Variants in FSTL5 observed in about 807,000 individuals in gnomAD.
FSTL5 encodes follistatin like 5, also known as follistatin-related protein 5.
Under a neutral mutation model 89.1 loss-of-function variants are expected in FSTL5, and 62 were observed. The observed-to-expected ratio is 0.70, with a 90% CI of 0.57 to 0.86. FSTL5 has a LOEUF of 0.86. FSTL5 is among the 40% of genes least tolerant of loss of function. The pLI is 0.00. For missense variants in FSTL5, 1,057 were observed against 1,001.6 expected, an observed-to-expected ratio of 1.06 and a Z score of -0.75; for synonymous variants, 383 against 346.2, an observed-to-expected ratio of 1.11 and a Z score of -1.18.
At chr4:161,923,354 T>C (rs1170091500) in intron 3 of FSTL5, among the ~76,000 whole-genome samples, 2 of 151,856 alleles carry the variant, frequency 1.3e-5, no homozygotes, top group Non-Finnish European at 2.9e-5. Context: ...ATTATTACTA[T>C]AAAATAAAGT....
chr4:161,806,907 GATAC>G (rs1337566864), intron 4 of FSTL5, among the ~76,000 whole-genome samples: 38 of 152,034 alleles, frequency 2.5e-4, no homozygotes, highest in Middle Eastern at 3.4e-3. Context: ...CAGATAGATA[GATAC>G]ATAGATAGAT....
At chr4:162,036,848 C>T (rs1478529538) in intron 2 of FSTL5, among the ~76,000 whole-genome samples, 2 of 151,632 alleles carry the variant, frequency 1.3e-5, no homozygotes, top group Admixed American at 6.6e-5. Flanking sequence ...TTTTTTGGTG[C>T]TCATATGGGA....
chr4:161,986,361 C>A (rs1322195639), intron 3 of FSTL5, among the ~76,000 whole-genome samples: 1 of 152,102 alleles, frequency 6.6e-6, no homozygotes, highest in East Asian at 1.9e-4. Context: ...ACCAGCCTGA[C>A]CAACATGCTG....
chr4:161,572,785 A>G (rs1733065265), intron 8 of FSTL5, among the ~76,000 whole-genome samples: 1 of 152,212 alleles, frequency 6.6e-6, no homozygotes, highest in Non-Finnish European at 1.5e-5. Flanking sequence ...TGACTGAATG[A>G]AACAGAACTC....
chr4:161,645,293 T>C (rs993043598), intron 7 of FSTL5, among the ~76,000 whole-genome samples: 1 of 152,134 alleles, frequency 6.6e-6, no homozygotes, highest in African/African-American at 2.4e-5. Flanking sequence ...ATATTCCTTA[T>C]GAACATGTAA....
chr4:161,526,145 CAT>C (rs1256176056), intron 10 of FSTL5, among the ~76,000 whole-genome samples: 5 of 152,116 alleles, frequency 3.3e-5, no homozygotes, highest in Non-Finnish European at 4.4e-5. Context: ...CTTTGTGAAA[CAT>C]AACTCTGAAA....
intron 4 of FSTL5, among the ~76,000 whole-genome samples, chr4:161,786,952 T>TA (rs1228484632): frequency 6.6e-6 from 1 of 152,104 alleles, no homozygotes; most frequent in East Asian, 1.9e-4. Context: ...GATAAACAAA[T>TA]AAATGTTTAA....
At chr4:161,547,298 T>A (rs1033138858) in intron 8 of FSTL5, among the ~76,000 whole-genome samples, 1 of 152,080 alleles carries the variant, frequency 6.6e-6, no homozygotes, top group Admixed American at 6.6e-5. Context: ...TGTTCTCAAA[T>A]TATTTGATTA....
intron 4 of FSTL5, among the ~76,000 whole-genome samples, chr4:161,787,221 T>C (rs1741937304): frequency 6.6e-6 from 1 of 152,096 alleles, no homozygotes; most frequent in Admixed American, 6.5e-5. Context: ...AAGGTAACTG[T>C]GGAATATCCT....
intron 5 of FSTL5, among the ~76,000 whole-genome samples, chr4:161,768,548 T>C (rs1450548888): frequency 1.3e-5 from 2 of 151,842 alleles, no homozygotes; most frequent in East Asian, 3.9e-4. Context: ...AAATAAAACA[T>C]AAAGGAAGTA....
intron 8 of FSTL5, among the ~76,000 whole-genome samples, chr4:161,561,245 A>C (rs1578925961): frequency 6.6e-6 from 1 of 151,976 alleles, no homozygotes; most frequent in African/African-American, 2.4e-5. Flanking sequence ...TAGACAGATA[A>C]ATATTTGTTA....
chr4:161,783,088 A>T (rs999752310), intron 4 of FSTL5, among the ~76,000 whole-genome samples: 31 of 152,328 alleles, frequency 2.0e-4, no homozygotes, highest in African/African-American at 6.5e-4. Context: ...AAATAAAACA[A>T]AGCACGATAC....
intron 15 of FSTL5, among the ~76,000 whole-genome samples, chr4:161,444,881 T>G (rs140094359): frequency 6.6e-6 from 1 of 151,934 alleles, no homozygotes; most frequent in Non-Finnish European, 1.5e-5. Flanking sequence ...TTCCAATACA[T>G]ATGAAATGAT....
chr4:161,474,866 C>A lies in FSTL5; in HGVS notation c.1608+6154G>T, dbSNP rs115885197. Among the ~76,000 whole-genome samples the A allele has an allele frequency of 7.0e-3, 1,071 of 152,146 alleles. 5 individuals carry two copies. Among genetic ancestry groups the A allele is most frequent in the Middle Eastern group, 0.017 (5 of 294 alleles). Reference sequence around the variant, plus strand: ...GGCCTGTGTAGTGTTTTGGTTTATTCATATGTTTGTTTCATTTACTTTGCT... The same window carrying A: ...GGCCTGTGTAGTGTTTTGGTTTATTAATATGTTTGTTTCATTTACTTTGCT... On this transcript the variant is annotated intron_variant, in intron 13 of 15. Transcript: ENST00000306100.
At chr4:161,689,533 C>T (rs552536655) in intron 6 of FSTL5, among the ~76,000 whole-genome samples, 3 of 152,222 alleles carry the variant, frequency 2.0e-5, no homozygotes, top group African/African-American at 7.2e-5. Context: ...AATTTAATCT[C>T]ATACATTCTG....
At chr4:161,468,440 C>A (rs1733821888) in intron 13 of FSTL5, among the ~76,000 whole-genome samples, 1 of 151,924 alleles carries the variant, frequency 6.6e-6, no homozygotes, top group African/African-American at 2.4e-5. Flanking sequence ...ATTAGAAAAA[C>A]CTGAATTATA....
intron 4 of FSTL5, among the ~76,000 whole-genome samples, chr4:161,781,994 T>C (rs1228115074): frequency 2.6e-5 from 4 of 152,188 alleles, no homozygotes; most frequent in Non-Finnish European, 5.9e-5. Flanking sequence ...TCATACAGCA[T>C]GTAGATTTTT....
chr4:162,041,740 A>G (rs1737967296), intron 2 of FSTL5: 1 of 152,162 alleles, frequency 6.6e-6, no homozygotes, highest in Non-Finnish European at 1.5e-5. Flanking sequence ...GATATCAATG[A>G]CATGCACTTG....
chr4:162,163,437 GTAA>G (rs34283366), intron 1 of FSTL5, among the ~76,000 whole-genome samples, 175 bp downstream of exon 1: 26,083 of 140,540 alleles, frequency 0.19, 2,559 homozygotes, highest in African/African-American at 0.27. Context: ...AGATTGTCTT[GTAA>G]TAATAATAAT....
Sources: gnomAD v4.1 joint callset for allele counts (sites outside exome capture counted in the v4.1 genomes callset) on GRCh38, gnomAD v4.1.1 for gene constraint, MANE v1.5 for transcripts, NCBI Gene and HGNC (gene_info 2026-07-23, HGNC 2026-07-21) for gene names.